Variants in SHBG observed in about 807,000 individuals in gnomAD.
SHBG encodes the protein sex hormone-binding globulin.
In SHBG, 37 loss-of-function variants were observed where a neutral mutation model predicts 41.9. The ratio of observed to expected loss-of-function variants is 0.88; its 90% CI spans 0.68 to 1.16. The LOEUF is 1.16. Among genes scored for constraint, SHBG ranks in the 50% most tolerant of loss-of-function variants. SHBG has a pLI of 0.00. For missense variants in SHBG, 466 were observed against 499.9 expected, an observed-to-expected ratio of 0.93 and a Z score of 0.65; for synonymous variants, 217 against 205.8, an observed-to-expected ratio of 1.05 and a Z score of -0.47.
chr17:7,629,327 G>A (rs1215831141), upstream of SHBG, among the ~76,000 whole-genome samples: 2 of 151,866 alleles, frequency 1.3e-5, no homozygotes, highest in Admixed American at 1.3e-4. Context: ...GCAGTGAGCC[G>A]AGATCACGCC....
intron 1 of SHBG, among the ~76,000 whole-genome samples, chr17:7,615,418 G>A (rs748683451): frequency 6.6e-6 from 1 of 152,220 alleles, no homozygotes; most frequent in East Asian, 1.9e-4. Flanking sequence ...CCCTCTTCGC[G>A]TATGCATCGC....
chr17:7,615,053 T>G (rs1323379415), intron 1 of SHBG, among the ~76,000 whole-genome samples: 3 of 152,148 alleles, frequency 2.0e-5, no homozygotes, highest in African/African-American at 7.2e-5. Flanking sequence ...TGCTAGCGCT[T>G]GCGCAGAACA....
upstream of SHBG, chr17:7,626,375 C>T (rs1393548831): frequency 4.5e-6 from 7 of 1,550,192 alleles, no homozygotes; most frequent in Non-Finnish European, 5.3e-6. Flanking sequence ...TGTCTGTGGA[C>T]GTAGTCTCTG....
intron 1 of SHBG, chr17:7,614,954 G>A (rs892606488): frequency 6.5e-6 from 1 of 152,938 alleles, no homozygotes; most frequent in Non-Finnish European, 1.5e-5. Context: ...CACCGCGCAG[G>A]CGTCAAGGTT....
chr17:7,619,277 C>G (rs998870227), intron 1 of SHBG, among the ~76,000 whole-genome samples: 1 of 151,526 alleles, frequency 6.6e-6, no homozygotes, highest in Non-Finnish European at 1.5e-5. Context: ...GTAATCCCAG[C>G]TACTCGGGAG....
chr17:7,623,976 A>T (rs1436785239), upstream of SHBG, among the ~76,000 whole-genome samples: 13 of 152,104 alleles, frequency 8.5e-5, no homozygotes, highest in Admixed American at 8.5e-4. Flanking sequence ...TGTTTGTTTT[A>T]GACAGAGTCT....
At chr17:7,626,456 T>G (rs1400277495), upstream of SHBG, 1 of 1,614,012 alleles carries the variant, frequency 6.2e-7, no homozygotes, top group Non-Finnish European at 8.5e-7. Context: ...GTCACTTTCC[T>G]GCCAACTTTC....
intron 1 of SHBG, among the ~76,000 whole-genome samples, chr17:7,622,650 G>T (rs1396827541): frequency 2.6e-5 from 4 of 152,122 alleles, no homozygotes; most frequent in African/African-American, 9.7e-5. Flanking sequence ...GGGGGTGGTT[G>T]TGAAAATGGA....
chr17:7,629,361 G>A (rs1221284012), upstream of SHBG, among the ~76,000 whole-genome samples: 4 of 148,400 alleles, frequency 2.7e-5, no homozygotes, highest in Non-Finnish European at 4.5e-5. Context: ...CTGGGTGATA[G>A]AGCAAGACTC....
upstream of SHBG, chr17:7,626,491 A>C: frequency 6.2e-7 from 1 of 1,614,096 alleles, no homozygotes; most frequent in Non-Finnish European, 8.5e-7. Context: ...TGAAAGCAGA[A>C]GAAGTGCCAG....
rs2072415347 is a variant in SHBG at position 7,631,571 on chromosome 17, A to G, written c.556-18A>G. ...CCTGATTTCTACATCCCCGTATCTT[A>G]TCTCTGTCACACTCCAGCTGGTTCC... On this transcript the variant is annotated intron_variant, in intron 4 of 7. Transcript: ENST00000380450. 2.5e-6 allele frequency: 4 copies of G among 1,613,918 alleles called. No individual in the cohort carries two copies. Among genetic ancestry groups the G allele is most frequent in the Non-Finnish European group, 2.5e-6 (3 of 1,179,966 alleles).
At chr17:7,632,695 T>TA in intron 6 of SHBG, 57 bp from the exon 7 acceptor site, 1 of 1,383,070 alleles carries the variant, frequency 7.2e-7, no homozygotes, top group Non-Finnish European at 1.0e-6. Flanking sequence ...CCACAGGCAG[T>TA]AGGCCCGGCT....
chr17:7,626,685 C>G, upstream of SHBG: 1 of 1,612,500 alleles, frequency 6.2e-7, no homozygotes. Context: ...CCTCTTTCAA[C>G]CCGGGTCCCC....
At position 7,631,979 on chromosome 17, in the gene SHBG, G is replaced by A. The variant is rs1597922027; in HGVS notation, c.816G>A (p.Glu272=). ...SGHLLALGTP[E]NPSWLSLHLQ... ...ACCTCCTTGCTCTTGGGACACCAGA[G>A]AACCCATCTTGGCTCAGTCTCCACC... Residue 272 remains glutamate (E), a synonymous_variant, in exon 6 of 8, where the codon GAG becomes GAA. Transcript: ENST00000380450. 6.2e-7 allele frequency: 1 copy of A among 1,614,008 alleles called. No individual in the cohort carries two copies. The highest frequency in any genetic ancestry group is 8.5e-7 in the Non-Finnish European group (1 of 1,180,016).
chr17:7,626,934 G>T (rs755484048), upstream of SHBG: 21 of 1,612,742 alleles, frequency 1.3e-5, no homozygotes, highest in Non-Finnish European at 1.4e-5. Flanking sequence ...CTCAGCTTCT[G>T]CCCAGTACCC....
In SHBG at chr17:7,630,653, A is replaced by T. The variant is rs763410753; in HGVS notation, c.204-27A>T. On this transcript the variant is annotated intron_variant, in intron 2 of 7. Transcript: ENST00000380450. This position sits in a 1 kb window ranked among gnomAD's most constrained non-coding sequence, Gnocchi z 4.6. Reference sequence around the variant, plus strand: ...GGTTCTCAAAGGACACATGACATACACAATCTTTCCTTCTGTGTCCTTCCA... The same window carrying T: ...GGTTCTCAAAGGACACATGACATACTCAATCTTTCCTTCTGTGTCCTTCCA... The T allele has an allele frequency of 1.2e-6, 2 of 1,604,940 alleles. No individual in the cohort carries two copies. Among genetic ancestry groups the T allele is most frequent in the South Asian group, 2.2e-5 (2 of 90,754 alleles).
At chr17:7,618,446 TTTTTTGTTTTTG>T (rs141489915) in intron 1 of SHBG, among the ~76,000 whole-genome samples, 21 of 143,412 alleles carry the variant, frequency 1.5e-4, no homozygotes, top group Non-Finnish European at 2.8e-4. Context: ...TAGGTTTGTT[TTTTTTGTTTTTG>T]TTTTTGTTTT....
chr17:7,619,390 C>G (rs1282388417), intron 1 of SHBG, among the ~76,000 whole-genome samples: 3 of 129,632 alleles, frequency 2.3e-5, no homozygotes, highest in African/African-American at 5.9e-5. Context: ...AACTCCATCT[C>G]AAAAAAAAAA....
intron 1 of SHBG, among the ~76,000 whole-genome samples, chr17:7,617,314 C>T (rs193278738): frequency 6.6e-6 from 1 of 151,948 alleles, no homozygotes; most frequent in Admixed American, 6.6e-5. Context: ...ATTAATATTG[C>T]AACCATGGCC....
Sources: allele counts gnomAD v4.1 joint callset (sites outside exome capture counted in the v4.1 genomes callset), GRCh38; gene constraint gnomAD v4.1.1; non-coding constraint Gnocchi (gnomAD v3.1); transcripts MANE v1.5; gene names NCBI Gene and HGNC (gene_info 2026-07-23, HGNC 2026-07-21).